Variants in RIPOR2 observed in about 807,000 individuals in gnomAD.
RIPOR2 encodes RHO family interacting cell polarization regulator 2.
A neutral mutation model predicts 114.5 loss-of-function variants in RIPOR2; 39 were observed. The observed-to-expected ratio is 0.34, with a 90% confidence interval of 0.26 to 0.44. The LOEUF (loss-of-function observed/expected upper bound fraction) is 0.44, where lower values mean the gene tolerates loss of function less well. Among genes scored for constraint, RIPOR2 ranks in the 20% least tolerant of loss-of-function variants. The pLI, the probability that RIPOR2 is intolerant of heterozygous loss-of-function variation, is 1.00. For synonymous variants in RIPOR2, 445 were observed against 484.4 expected (o/e 0.92, Z 1.07); for missense variants, 1,007 against 1,255.1 (o/e 0.80, Z 2.99).
At chr6:25,038,805 G>A (rs1418056478) in intron 1 of RIPOR2, among the ~76,000 whole-genome samples, 2 of 152,212 alleles carry the variant, frequency 1.3e-5, no homozygotes, top group African/African-American at 4.8e-5. Flanking sequence ...ATAAACTTGT[G>A]GTAATTTGTT....
At chr6:24,984,313 C>T (rs955027345) in intron 1 of RIPOR2, among the ~76,000 whole-genome samples, 3 of 152,108 alleles carry the variant, frequency 2.0e-5, no homozygotes, top group Non-Finnish European at 1.5e-5. Flanking sequence ...TTAGTTCTTA[C>T]AGGTTTTGGG....
chr6:24,896,380 T>A (rs1462620591), intron 1 of RIPOR2, among the ~76,000 whole-genome samples: 1 of 152,234 alleles, frequency 6.6e-6, no homozygotes, highest in Non-Finnish European at 1.5e-5. Context: ...GCGATGAGGA[T>A]ATATTATCAA....
chr6:24,830,977 A>G, intron 16 of RIPOR2, among the ~76,000 whole-genome samples: 1 of 152,112 alleles, frequency 6.6e-6, no homozygotes, highest in East Asian at 1.9e-4. Flanking sequence ...CGGCCTCCCA[A>G]AGTGCTGGGA....
intron 1 of RIPOR2, among the ~76,000 whole-genome samples, chr6:24,915,280 T>C (rs1561770362): frequency 1.3e-5 from 2 of 152,180 alleles, no homozygotes; most frequent in Non-Finnish European, 2.9e-5. Flanking sequence ...GTATAATCTT[T>C]TGGCCTCCAC....
At chr6:24,904,148 A>G (rs2114029646) in intron 1 of RIPOR2, among the ~76,000 whole-genome samples, 2 of 152,326 alleles carry the variant, frequency 1.3e-5, no homozygotes, top group Middle Eastern at 6.8e-3. Context: ...TGTTGTAACA[A>G]ATTGCCACAA....
chr6:25,032,316 T>C (rs1225966985), intron 1 of RIPOR2, among the ~76,000 whole-genome samples: 1 of 152,134 alleles, frequency 6.6e-6, no homozygotes, highest in East Asian at 1.9e-4. Context: ...AGACTCCGTT[T>C]TTCTTGATAT....
At chr6:24,854,034 G>C (rs1464610592) in intron 8 of RIPOR2, among the ~76,000 whole-genome samples, 1 of 151,338 alleles carries the variant, frequency 6.6e-6, no homozygotes, top group Non-Finnish European at 1.5e-5. Context: ...TGGGAGGATC[G>C]CTTGAGCCCA....
intron 1 of RIPOR2, among the ~76,000 whole-genome samples, chr6:24,896,044 C>T (rs1767842160): frequency 6.6e-6 from 1 of 152,072 alleles, no homozygotes. Context: ...TTCTTCATTG[C>T]ACTGTTGTGA....
rs780989123 is a variant in RIPOR2 at position 24,873,627 on chromosome 6, C to T, written c.344+17G>A. On this transcript the variant is annotated intron_variant, in intron 3 of 21. Transcript: ENST00000643898. ...TGGGTCTTTCCTTAAAGTACATTAT[C>T]AGGTTCAAGTTCTTACTCAAGTCCA... 6.2e-7 allele frequency: 1 copy of T among 1,607,388 alleles called. No individual in the cohort carries two copies. Among genetic ancestry groups the T allele is most frequent in the Admixed American group, 1.7e-5 (1 of 58,282 alleles).
chr6:25,031,572 T>C (rs533979745), intron 1 of RIPOR2, among the ~76,000 whole-genome samples: 40 of 147,932 alleles, frequency 2.7e-4, no homozygotes, highest in African/African-American at 5.3e-4. Flanking sequence ...TATATATATA[T>C]ACATATATAT....
intron 4 of RIPOR2, among the ~76,000 whole-genome samples, chr6:24,871,369 T>A (rs1266432054): frequency 6.6e-6 from 1 of 152,238 alleles, no homozygotes; most frequent in African/African-American, 2.4e-5. Flanking sequence ...GTTTTGTTTT[T>A]GAGACAGAGT....
intron 21 of RIPOR2, among the ~76,000 whole-genome samples, chr6:24,807,702 C>A (rs780089813): frequency 6.6e-6 from 1 of 152,176 alleles, no homozygotes; most frequent in Middle Eastern, 3.4e-3. Flanking sequence ...CTGGACAGTG[C>A]GCATATAGAA....
rs1214294101 is a variant in RIPOR2 at position 24,888,635 on chromosome 6, G to T, written c.62-12818C>A. Among the ~76,000 whole-genome samples, 8 of 152,272 alleles carry T rather than the reference G, an allele frequency of 5.3e-5. No individual in the cohort carries two copies. The East Asian group carries it at 1.5e-3, about 29-fold the overall frequency. On this transcript the variant is annotated intron_variant, in intron 1 of 21. Transcript: ENST00000643898. The stretch of plus-strand genomic sequence containing the variant: ...GCAATTAATGCTGGTGTTTATTAAT[G>T]GGCATGAGGGTCCAGTAGGAAATTG...
At chr6:24,966,887 G>T (rs365630) in intron 1 of RIPOR2, among the ~76,000 whole-genome samples, 125,356 of 152,228 alleles carry the variant, frequency 0.82, 54,386 homozygotes, top group East Asian at 0.96. Flanking sequence ...TCCGCTATAT[G>T]ATAAGAACTC....
chr6:24,826,762 T>A (rs1475223582), intron 18 of RIPOR2, among the ~76,000 whole-genome samples: 4 of 152,022 alleles, frequency 2.6e-5, no homozygotes, highest in Non-Finnish European at 5.9e-5. Flanking sequence ...TAATATCAAA[T>A]AAAAAACAGG....
intron 1 of RIPOR2, among the ~76,000 whole-genome samples, chr6:24,952,472 A>G (rs1772828316): frequency 6.6e-6 from 1 of 152,220 alleles, no homozygotes; most frequent in Non-Finnish European, 1.5e-5. Context: ...TACTCCCACC[A>G]TGACTAATTT....
In RIPOR2 at chr6:24,878,906, T is replaced by TA. The variant is rs1766081292; in HGVS notation, c.62-3090dup. On this transcript the variant is annotated intron_variant, in intron 1 of 21. Transcript: ENST00000643898. The stretch of plus-strand genomic sequence containing the variant: ...TAAACGCTGGAGAGTAAAACATATG[T>TA]ACCAGATTGTAAAATAATTTTCCTT... 2.2e-5 allele frequency among the ~76,000 whole-genome samples: 2 copies of TA among 89,668 alleles called. 1 individual carries two copies. The highest frequency in any genetic ancestry group is 6.6e-4 in the South Asian group (2 of 3,018). 58.8% of individuals were successfully genotyped at this position (89,668 alleles called of 152,430 possible).
intron 13 of RIPOR2, among the ~76,000 whole-genome samples, chr6:24,842,431 C>T (rs1360961206): frequency 6.6e-6 from 1 of 152,156 alleles, no homozygotes; most frequent in Non-Finnish European, 1.5e-5. Flanking sequence ...AGGTAGTCTC[C>T]TCCAGCAGGC....
chr6:24,912,439 C>A (rs896454465), intron 1 of RIPOR2, among the ~76,000 whole-genome samples: 4 of 149,190 alleles, frequency 2.7e-5, no homozygotes, highest in Admixed American at 2.7e-4. Flanking sequence ...AATCTGCATC[C>A]ATTTTTCCAA....
Sources: gnomAD v4.1 joint callset for allele counts (sites outside exome capture counted in the v4.1 genomes callset) on GRCh38, gnomAD v4.1.1 for gene constraint, MANE v1.5 for transcripts, NCBI Gene and HGNC (gene_info 2026-07-23, HGNC 2026-07-21) for gene names.